The following ADGB variants were observed in gnomAD, a reference collection of about 807,000 sequenced individuals.
The protein encoded by ADGB is calpain-7-like protein.
A neutral mutation model predicts 210.5 loss-of-function variants in ADGB; 172 were observed. The ratio of observed to expected loss-of-function variants is 0.82; its 90% confidence interval spans 0.72 to 0.93. The LOEUF (loss-of-function observed/expected upper bound fraction) is 0.93, where lower values mean the gene tolerates loss of function less well. Among genes scored for constraint, ADGB ranks in the 40% least tolerant of loss-of-function variants. ADGB has a pLI of 0.00. For synonymous variants in ADGB, 658 were observed against 662.7 expected (o/e 0.99, Z 0.11); for missense variants, 2,025 against 1,964.8 (o/e 1.03, Z -0.58).
At chr6:146,656,035 A>C (rs1335480277) in intron 4 of ADGB, among the ~76,000 whole-genome samples, 1 of 102,918 alleles carries the variant, frequency 9.7e-6, no homozygotes, top group Non-Finnish European at 2.5e-5. Flanking sequence ...TAGTCCTCAC[A>C]AAAAAAAATG....
chr6:146,629,525 TA>T (rs1466752870), intron 1 of ADGB, among the ~76,000 whole-genome samples: 1 of 152,226 alleles, frequency 6.6e-6, no homozygotes, highest in African/African-American at 2.4e-5. Context: ...AAGATTTACT[TA>T]CACTTGACAG....
chr6:146,790,073 A>G (rs975917199), intron 33 of ADGB, among the ~76,000 whole-genome samples: 1 of 152,214 alleles, frequency 6.6e-6, no homozygotes, highest in Non-Finnish European at 1.5e-5. Flanking sequence ...ACAAATAATT[A>G]TATATATTTA....
intron 25 of ADGB, 81 bp downstream of exon 25, chr6:146,741,352 T>G (rs1583616996): frequency 7.4e-6 from 10 of 1,355,202 alleles, no homozygotes; most frequent in Non-Finnish European, 9.0e-6. Flanking sequence ...GAAGGGAGGG[T>G]AGAGTTGTTT....
intron 12 of ADGB, among the ~76,000 whole-genome samples, chr6:146,694,910 T>A: frequency 6.6e-6 from 1 of 152,180 alleles, no homozygotes; most frequent in South Asian, 2.1e-4. Flanking sequence ...TGCAATATAA[T>A]AGAAATGCAA....
At chr6:146,759,485 G>A (rs1488426715) in intron 27 of ADGB, among the ~76,000 whole-genome samples, 1 of 151,458 alleles carries the variant, frequency 6.6e-6, no homozygotes, top group East Asian at 1.9e-4. Flanking sequence ...CTAGATAACT[G>A]AGTATGAGGA....
chr6:146,736,887 G>A (rs781605889), intron 23 of ADGB, among the ~76,000 whole-genome samples: 1 of 152,012 alleles, frequency 6.6e-6, no homozygotes, highest in African/African-American at 2.4e-5. Flanking sequence ...ACCTGGTAGC[G>A]GATGAGATCC....
At position 146,691,225 on chromosome 6, in the gene ADGB, C is replaced by T. The variant is rs770559457; in HGVS notation, c.1421C>T (p.Pro474Leu). The stretch of plus-strand genomic sequence containing the variant: ...CCTCTGGTAGCACCACCAAAACCAC[C>T]TCCTCTACCTCCCTGGAAACTCATT... The part of the protein sequence containing the change: ...SCPLVAPPKP[P>L]PLPPWKLIRQ... The change falls in exon 11 of 36, where the codon CCT becomes CTT. Residue 474 changes from proline to leucine, a missense_variant. Pro to Leu is a moderately conservative substitution (Grantham distance 98). Transcript: ENST00000397944. The T allele has an allele frequency of 1.3e-6, 2 of 1,548,668 alleles. No homozygotes were observed. The highest frequency in any genetic ancestry group is 2.5e-5 in the East Asian group (1 of 40,768).
chr6:146,749,304 C>A (rs1562291612), intron 26 of ADGB, among the ~76,000 whole-genome samples: 1 of 152,114 alleles, frequency 6.6e-6, no homozygotes, highest in Non-Finnish European at 1.5e-5. Flanking sequence ...AGTTCCACTG[C>A]AGACATTGAT....
intron 35 of ADGB, among the ~76,000 whole-genome samples, chr6:146,813,729 C>G (rs9386169): frequency 0.34 from 51,454 of 151,954 alleles, 9,227 homozygotes; most frequent in East Asian, 0.67. Flanking sequence ...GATTAGATTA[C>G]AAAACAAAAG....
intron 1 of ADGB, among the ~76,000 whole-genome samples, chr6:146,629,206 A>C (rs936440787): frequency 1.6e-4 from 24 of 152,324 alleles, no homozygotes; most frequent in Admixed American, 1.6e-3. Flanking sequence ...AATACTTAAA[A>C]GATCCCAACT....
chr6:146,682,427 T>C (rs572357929), intron 9 of ADGB, among the ~76,000 whole-genome samples: 2 of 152,280 alleles, frequency 1.3e-5, no homozygotes, highest in Non-Finnish European at 2.9e-5. Context: ...TCATAATTAC[T>C]GTACAAAATA....
intron 2 of ADGB, among the ~76,000 whole-genome samples, chr6:146,642,451 A>G (rs9403798): frequency 0.32 from 48,360 of 151,916 alleles, 8,556 homozygotes; most frequent in Middle Eastern, 0.41. Context: ...TCATTACAGC[A>G]CTATTCACAA....
rs541468470 is a variant in ADGB at position 146,779,168 on chromosome 6, C to A, written c.3863-2852C>A. Among the ~76,000 whole-genome samples, 13 of 151,404 alleles carry A rather than the reference C, an allele frequency of 8.6e-5. No individual in the cohort carries two copies. In the South Asian group the frequency reaches 2.5e-3, roughly 29 times the overall value. On this transcript the variant is annotated intron_variant, in intron 29 of 35. Transcript: ENST00000397944. ...CAAGGTCTTATTCCCAAAGACTTAT[C>A]ATTATTTGACTTGTTTGATGATTTC...
chr6:146,734,899 G>A (rs528271035), intron 22 of ADGB, among the ~76,000 whole-genome samples: 1 of 152,204 alleles, frequency 6.6e-6, no homozygotes, highest in South Asian at 2.1e-4. Context: ...CTGGGCGACA[G>A]GGTGAGATCT....
At chr6:146,643,225 A>G (rs1775544857) in intron 2 of ADGB, among the ~76,000 whole-genome samples, 1 of 150,898 alleles carries the variant, frequency 6.6e-6, no homozygotes, top group South Asian at 2.1e-4. Flanking sequence ...CTTAAAGGTG[A>G]CAATAAACTA....
chr6:146,745,821 G>T, intron 25 of ADGB, 101 bp from the exon 26 acceptor site: 1 of 857,738 alleles, frequency 1.2e-6, no homozygotes, highest in Non-Finnish European at 1.7e-6. Context: ...GGGACCTGTA[G>T]GTATATCATA....
At chr6:146,611,599 C>T (rs920976518) in intron 1 of ADGB, among the ~76,000 whole-genome samples, 1 of 152,152 alleles carries the variant, frequency 6.6e-6, no homozygotes, top group Admixed American at 6.5e-5. Flanking sequence ...GGGCCAGAAA[C>T]GAGTCCTGGT....
intron 7 of ADGB, among the ~76,000 whole-genome samples, chr6:146,668,935 A>G (rs1239867253): frequency 6.6e-6 from 1 of 152,118 alleles, no homozygotes. Flanking sequence ...CTCTGTGAAC[A>G]TAGCACTCTG....
intron 13 of ADGB, among the ~76,000 whole-genome samples, chr6:146,705,259 C>G (rs1310321991): frequency 2.6e-5 from 4 of 151,734 alleles, no homozygotes; most frequent in Non-Finnish European, 5.9e-5. Flanking sequence ...TCTTTCTTTC[C>G]AATTTGAGTG....
Sources: allele counts gnomAD v4.1 joint callset (sites outside exome capture counted in the v4.1 genomes callset), GRCh38; gene constraint gnomAD v4.1.1; transcripts MANE v1.5; gene names NCBI Gene and HGNC (gene_info 2026-07-23, HGNC 2026-07-21).